ABCA13: variants seen among roughly 807,000 people sequenced by gnomAD.
ABCA13 encodes ATP binding cassette subfamily A member 13, also known as ATP-binding cassette sub-family A member 13.
Under a neutral mutation model 478.7 loss-of-function variants are expected in ABCA13, and 476 were observed. The observed-to-expected ratio is 0.99, with a 90% CI of 0.92 to 1.07. The LOEUF (loss-of-function observed/expected upper bound fraction) is 1.07. ABCA13 is among the 50% of genes least tolerant of loss of function. The pLI is 0.00. For missense variants in ABCA13, 6,060 were observed against 5,910.6 expected (o/e 1.03, Z -0.83); for synonymous variants, 2,252 against 2,158.9 (o/e 1.04, Z -1.20).
At chr7:48,533,789 G>T (rs1417373268) in intron 55 of ABCA13, among the ~76,000 whole-genome samples, 1 of 151,754 alleles carries the variant, frequency 6.6e-6, no homozygotes, top group Non-Finnish European at 1.5e-5. Context: ...TTTAAAGTTT[G>T]TTTTGTCTGA....
intron 59 of ABCA13, among the ~76,000 whole-genome samples, chr7:48,643,058 T>G (rs1158856885): frequency 6.6e-6 from 1 of 152,160 alleles, no homozygotes; most frequent in Non-Finnish European, 1.5e-5. Context: ...TTCTGGGACT[T>G]GCTGATAATT....
At chr7:48,374,031 A>G (rs745850188) in intron 33 of ABCA13, among the ~76,000 whole-genome samples, 3 of 152,220 alleles carry the variant, frequency 2.0e-5, no homozygotes, top group Non-Finnish European at 4.4e-5. Flanking sequence ...AAATTACTCT[A>G]TTCCAGTTTT....
intron 43 of ABCA13, among the ~76,000 whole-genome samples, chr7:48,455,711 C>A (rs140545791): frequency 1.2e-4 from 19 of 152,378 alleles, no homozygotes; most frequent in Admixed American, 4.6e-4. Flanking sequence ...GGGACAACAG[C>A]CCCACAGTTG....
At chr7:48,641,824 A>G (rs77696681) in intron 59 of ABCA13, among the ~76,000 whole-genome samples, 3,705 of 152,282 alleles carry the variant, frequency 0.024, 61 homozygotes, top group South Asian at 0.063. Flanking sequence ...TCTTTTCATG[A>G]AACGTGGACA....
chr7:48,411,647 G>C (rs1819258439), intron 40 of ABCA13, among the ~76,000 whole-genome samples: 1 of 152,118 alleles, frequency 6.6e-6, no homozygotes. Context: ...CCTCCTAGAG[G>C]CTAAAACTTT....
At chr7:48,417,877 T>C (rs1402465247) in intron 41 of ABCA13, among the ~76,000 whole-genome samples, 4 of 152,242 alleles carry the variant, frequency 2.6e-5, no homozygotes, top group African/African-American at 7.2e-5. Flanking sequence ...CTGATCTTTT[T>C]ACTGTCATCG....
At chr7:48,284,856 A>G (rs747611804) in intron 19 of ABCA13, among the ~76,000 whole-genome samples, 1 of 152,188 alleles carries the variant, frequency 6.6e-6, no homozygotes, top group Non-Finnish European at 1.5e-5. Context: ...AGTTAAAGGG[A>G]TGGGGTGGAA....
intron 33 of ABCA13, among the ~76,000 whole-genome samples, chr7:48,373,533 G>T (rs934082786): frequency 6.6e-6 from 1 of 152,138 alleles, no homozygotes; most frequent in African/African-American, 2.4e-5. Flanking sequence ...TTATCTATTG[G>T]TATGTGTTCA....
intron 55 of ABCA13, among the ~76,000 whole-genome samples, chr7:48,532,289 G>T (rs1833292860): frequency 6.6e-6 from 1 of 152,014 alleles, no homozygotes. Flanking sequence ...TGTTTATGTG[G>T]TGTATCACAT....
intron 31 of ABCA13, among the ~76,000 whole-genome samples, chr7:48,363,918 A>G (rs1025620981): frequency 2.6e-5 from 4 of 152,178 alleles, no homozygotes; most frequent in Non-Finnish European, 5.9e-5. Context: ...AAGTATGTTC[A>G]CTATTATCAT....
At chr7:48,352,800 A>G (rs796781477) in intron 31 of ABCA13, among the ~76,000 whole-genome samples, 4 of 152,164 alleles carry the variant, frequency 2.6e-5, no homozygotes, top group African/African-American at 9.7e-5. Context: ...CCAACAAAAG[A>G]TTCCACTTAC....
At chr7:48,467,112 T>C in intron 44 of ABCA13, 67 bp downstream of exon 44, 1 of 1,422,566 alleles carries the variant, frequency 7.0e-7, no homozygotes. Context: ...CTGGGAGGAC[T>C]GTTTTTCTTC....
intron 45 of ABCA13, among the ~76,000 whole-genome samples, chr7:48,474,552 T>C (rs978411293): frequency 1.8e-4 from 27 of 152,202 alleles, no homozygotes; most frequent in Non-Finnish European, 1.6e-4. Context: ...TGAGGACTTA[T>C]GTGTTTCCTT....
chr7:48,397,492 T>C (rs1047737679), intron 38 of ABCA13, among the ~76,000 whole-genome samples: 4 of 151,116 alleles, frequency 2.6e-5, no homozygotes, highest in African/African-American at 9.7e-5. Context: ...AAAAAAAGAA[T>C]ATGGTAGAGG....
intron 2 of ABCA13, among the ~76,000 whole-genome samples, chr7:48,197,363 A>C (rs1158246401): frequency 6.6e-6 from 1 of 152,186 alleles, no homozygotes; most frequent in African/African-American, 2.4e-5. Context: ...CTGGACAGGC[A>C]TCTCCATTCC....
At chr7:48,381,651 T>C (rs1357283286) in intron 35 of ABCA13, among the ~76,000 whole-genome samples, 1 of 152,146 alleles carries the variant, frequency 6.6e-6, no homozygotes, top group Non-Finnish European at 1.5e-5. Context: ...TTTATATGCT[T>C]CCAATTAAAT....
chr7:48,486,073 C>A (rs1015900487), intron 47 of ABCA13, among the ~76,000 whole-genome samples: 3 of 152,066 alleles, frequency 2.0e-5, no homozygotes, highest in Non-Finnish European at 2.9e-5. Context: ...ATAAAGCACC[C>A]TAGGCTTTCT....
At chr7:48,622,209 C>T (rs1793204766) in intron 59 of ABCA13, among the ~76,000 whole-genome samples, 1 of 152,172 alleles carries the variant, frequency 6.6e-6, no homozygotes, top group Non-Finnish European at 1.5e-5. Flanking sequence ...CATTCTTCAG[C>T]TGTCCTTCCT....
intron 27 of ABCA13, among the ~76,000 whole-genome samples, chr7:48,328,945 T>C (rs1002380465): frequency 1.3e-5 from 2 of 152,158 alleles, no homozygotes; most frequent in African/African-American, 4.8e-5. Flanking sequence ...TGTATTCGTG[T>C]GAAGTCTTTG....
Sources: gnomAD v4.1 joint callset for allele counts (sites outside exome capture counted in the v4.1 genomes callset) on GRCh38, gnomAD v4.1.1 for gene constraint, MANE v1.5 for transcripts, NCBI Gene and HGNC (gene_info 2026-07-23, HGNC 2026-07-21) for gene names.